Variants in ADGRV1 observed in about 807,000 individuals in gnomAD.
The protein encoded by ADGRV1 is G-protein coupled receptor 98.
A neutral mutation model predicts 596.2 loss-of-function variants in ADGRV1; 359 were observed. The observed-to-expected ratio is 0.60, with a 90% CI of 0.55 to 0.66. ADGRV1 has a LOEUF of 0.66. ADGRV1 is among the 30% of genes least tolerant of loss of function. ADGRV1 has a pLI of 0.00. For synonymous variants in ADGRV1, 2,681 were observed against 2,679.2 expected (o/e 1.00, Z -0.02); for missense variants, 7,274 against 7,575.6 (o/e 0.96, Z 1.48).
rs1562002229 is a variant in ADGRV1, at chr5:90,960,096, GCC to G, written c.17857-5318_17857-5317del. 6.1e-5 allele frequency among the ~76,000 whole-genome samples: 9 copies of G among 146,720 alleles called. No homozygotes were observed. The East Asian group carries it at 1.8e-3, about 29-fold the overall frequency. ...GGAGCTTGCAGTGAGCCGAGATCGC[GCC>G]ACTGCACTCCAGCCTGGGTGACAGA... is the stretch of plus-strand genomic sequence containing the variant. On this transcript the variant is annotated intron_variant, in intron 83 of 89. Coordinates refer to ENST00000405460, the MANE Select transcript of ADGRV1 (RefSeq NM_032119.4).
At chr5:91,135,328 A>G (rs1236207746) in intron 87 of ADGRV1, among the ~76,000 whole-genome samples, 1 of 152,212 alleles carries the variant, frequency 6.6e-6, no homozygotes, top group Non-Finnish European at 1.5e-5. Flanking sequence ...ACGCATACAT[A>G]CATACACACA....
chr5:90,927,359 T>A (rs934617934), intron 83 of ADGRV1, among the ~76,000 whole-genome samples: 10 of 152,134 alleles, frequency 6.6e-5, no homozygotes, highest in African/African-American at 2.4e-4. Context: ...TAGCTCTTGT[T>A]GTTGAATTGA....
At position 90,837,485 on chromosome 5, in the gene ADGRV1, C is replaced by T. The variant is rs115213540; in HGVS notation, c.16612-3093C>T. Among the ~76,000 whole-genome samples the T allele has an allele frequency of 8.7e-3, 1,313 of 151,630 alleles. 25 individuals carry two copies. The highest frequency in any genetic ancestry group is 0.031 in the African/African-American group (1,270 of 41,298). On this transcript the variant is annotated intron_variant, in intron 77 of 89. Transcript: ENST00000405460. ...TCCTGGGTTCAAGCTATTCTCCCGG[C>T]TCAGTCTCTCGAGTAACTGCGATTA...
Position 90,840,621 on chromosome 5 carries a change from C to T in ADGRV1, c.16655C>T (p.Pro5552Leu). Residue 5552 changes from proline to leucine, a missense_variant, in exon 78 of 90, where the codon CCA becomes CTA. Physicochemically the swap from Pro to Leu is moderately conservative, Grantham distance 98. Coordinates refer to ENST00000405460, the MANE Select transcript of ADGRV1 (RefSeq NM_032119.4). Reference protein sequence around the residue: ...AETIGRTIISPAISGKDFVIT... With the variant: ...AETIGRTIISLAISGKDFVIT... ...ACAATTGGTCGTACCATCATATCTC[C>T]AGCTATTTCTGGAAAGGATTTTGTG... is the stretch of plus-strand genomic sequence containing the variant. 6.2e-7 allele frequency: 1 copy of T among 1,612,970 alleles called. No homozygotes were observed. The highest frequency in any genetic ancestry group is 2.2e-5 in the East Asian group (1 of 44,870).
chr5:90,995,545 G>A (rs1196581311), intron 85 of ADGRV1, among the ~76,000 whole-genome samples: 1 of 152,154 alleles, frequency 6.6e-6, no homozygotes, highest in African/African-American at 2.4e-5. Context: ...TTATAGGAGT[G>A]CGAGAATGGA....
intron 84 of ADGRV1, among the ~76,000 whole-genome samples, chr5:90,973,797 A>G (rs913013910): frequency 6.6e-6 from 1 of 152,200 alleles, no homozygotes; most frequent in South Asian, 2.1e-4. Flanking sequence ...GGCACAAGAC[A>G]GGGATGCCCT....
In ADGRV1 at chr5:91,121,641, C is replaced by T. The variant is rs183309246; in HGVS notation, c.18432+19301C>T. Among the ~76,000 whole-genome samples, 1,235 of 152,240 alleles carry T rather than the reference C, an allele frequency of 8.1e-3. 4 individuals are homozygous for T. The highest frequency in any genetic ancestry group is 0.024 in the Middle Eastern group (7 of 294). On this transcript the variant is annotated intron_variant, in intron 87 of 89. Transcript: ENST00000405460. Reference sequence around the variant, plus strand: ...CACAGCATTGGAGACAAAAGCAAGTCCTGCATGTCCAGTGTCATCTGGGCC... The same window carrying T: ...CACAGCATTGGAGACAAAAGCAAGTTCTGCATGTCCAGTGTCATCTGGGCC...
chr5:90,848,869 A>T (rs1766185302), intron 79 of ADGRV1, 48 bp downstream of exon 79: 1 of 1,352,794 alleles, frequency 7.4e-7, no homozygotes. Context: ...CATTTTTTTC[A>T]CTGTTTACAA....
chr5:90,983,672 A>G (rs1780263212), intron 84 of ADGRV1, among the ~76,000 whole-genome samples: 1 of 152,206 alleles, frequency 6.6e-6, no homozygotes, highest in South Asian at 2.1e-4. Flanking sequence ...AGAAAAAAAA[A>G]GTTGGATCTA....
At chr5:91,124,377 G>C (rs572096515) in intron 87 of ADGRV1, among the ~76,000 whole-genome samples, 1 of 152,136 alleles carries the variant, frequency 6.6e-6, no homozygotes, top group African/African-American at 2.4e-5. Flanking sequence ...TGTTTGTCTT[G>C]TTTTTCTCTC....
intron 70 of ADGRV1, among the ~76,000 whole-genome samples, chr5:90,799,981 G>A (rs965075279): frequency 1.3e-5 from 2 of 152,090 alleles, no homozygotes; most frequent in South Asian, 4.1e-4. Context: ...AATCCTAGAA[G>A]AAAACCTAGG....
intron 83 of ADGRV1, among the ~76,000 whole-genome samples, chr5:90,963,721 A>G (rs1419472019): frequency 6.6e-6 from 1 of 151,478 alleles, no homozygotes; most frequent in Non-Finnish European, 1.5e-5. Context: ...ATTATTGATG[A>G]GGGAAGTAGA....
rs765839940 is a variant in ADGRV1, at chr5:90,811,269, G to T, written c.16009G>T (p.Gly5337Trp). The change falls in exon 74 of 90, where the codon GGG becomes TGG. Residue 5337 changes from glycine to tryptophan, a missense_variant. By Grantham distance (184) the Gly-to-Trp change is radical (BLOSUM62 -2). Transcript: ENST00000405460. ...CTACGTGTTTCTCACAAACCCTCAA[G>T]GGGGAGCACAGATTGTGGAGGAGAA... ...FFYVFLTNPQ[G>W]GAQIVEEKDD... The T allele has an allele frequency of 2.5e-6, 4 of 1,612,632 alleles. No individual in the cohort carries two copies. The African/African-American group carries it at 5.3e-5, about 22-fold the overall frequency.
In ADGRV1 at chr5:91,070,193, A is replaced by C. The variant is rs80000295; in HGVS notation, c.18153-2254A>C. ...GGGTGATGGGGTCATTCATGTCCCAAACCTTAGCATCATGCAATATACTCA... is the reference window on the plus strand; with the variant it reads ...GGGTGATGGGGTCATTCATGTCCCACACCTTAGCATCATGCAATATACTCA... On this transcript the variant is annotated intron_variant, in intron 85 of 89. Transcript: ENST00000405460. Among the ~76,000 whole-genome samples the C allele has an allele frequency of 6.0e-3, 913 of 152,320 alleles. 33 individuals are homozygous for C. The East Asian group carries it at 0.089, about 15-fold the overall frequency.
At chr5:91,095,541 G>C (rs1790778970) in intron 86 of ADGRV1, among the ~76,000 whole-genome samples, 2 of 152,082 alleles carry the variant, frequency 1.3e-5, no homozygotes, top group African/African-American at 4.8e-5. Context: ...TGAGAACAGT[G>C]GGGGCTGACT....
At chr5:91,126,898 A>G (rs369258836) in intron 87 of ADGRV1, among the ~76,000 whole-genome samples, 1 of 152,194 alleles carries the variant, frequency 6.6e-6, no homozygotes, top group East Asian at 1.9e-4. Context: ...GGCAGCAAGC[A>G]GCATACCCAT....
At chr5:91,094,990 A>G (rs1012665576) in intron 86 of ADGRV1, among the ~76,000 whole-genome samples, 1 of 152,198 alleles carries the variant, frequency 6.6e-6, no homozygotes, top group Non-Finnish European at 1.5e-5. Flanking sequence ...AATATTTGCA[A>G]CCGTATCTGG....
intron 52 of ADGRV1, among the ~76,000 whole-genome samples, chr5:90,748,587 ACAT>A (rs1229302360): frequency 7.9e-5 from 12 of 152,096 alleles, no homozygotes; most frequent in African/African-American, 2.9e-4. Flanking sequence ...CAACCCTAAG[ACAT>A]GAACTGGGTC....
intron 79 of ADGRV1, among the ~76,000 whole-genome samples, chr5:90,851,134 T>TGTGTGTGTGTGAGAGAGAGA (rs757909771): frequency 1.2e-3 from 96 of 81,498 alleles, no homozygotes; most frequent in Admixed American, 2.2e-3. Flanking sequence ...TGTGTGTGTG[T>TGTGTGTGTGTGAGAGAGAGA]GAGAGAGAGA....
Sources: gnomAD v4.1 joint callset for allele counts (sites outside exome capture counted in the v4.1 genomes callset) on GRCh38, gnomAD v4.1.1 for gene constraint, MANE v1.5 for transcripts, NCBI Gene and HGNC (gene_info 2026-07-23, HGNC 2026-07-21) for gene names.